Variants in SUFU observed in about 807,000 individuals in gnomAD.
The protein encoded by SUFU is suppressor of fused homolog.
SUFU carries 7 observed loss-of-function variants against 58.9 expected under a neutral mutation model. The observed-to-expected ratio is 0.12, with a 90% CI of 0.07 to 0.22. The LOEUF is 0.22. SUFU is among the 10% of genes least tolerant of loss of function. The pLI, the probability that SUFU is intolerant of heterozygous loss-of-function variation, is 1.00. For missense variants in SUFU, 451 were observed against 641.3 expected, an observed-to-expected ratio of 0.70 and a Z score of 3.20; for synonymous variants, 232 against 254.8, an observed-to-expected ratio of 0.91 and a Z score of 0.85.
chr10:102,521,172 G>T (rs978462599), intron 2 of SUFU, among the ~76,000 whole-genome samples: 7 of 152,268 alleles, frequency 4.6e-5, no homozygotes, highest in African/African-American at 1.7e-4. Flanking sequence ...ATTCCAATAG[G>T]TGTGGAGTGG....
At chr10:102,504,660 T>G (rs1419095394) in intron 1 of SUFU, among the ~76,000 whole-genome samples, 1 of 146,496 alleles carries the variant, frequency 6.8e-6, no homozygotes, top group East Asian at 2.0e-4. Context: ...TAGGGGGTCA[T>G]TAGTGGGCGA....
chr10:102,546,419 A>ATTT (rs1003957090), intron 2 of SUFU, among the ~76,000 whole-genome samples: 4 of 152,190 alleles, frequency 2.6e-5, no homozygotes, highest in Non-Finnish European at 5.9e-5. Context: ...ACCAGCCAGT[A>ATTT]TTTTAGTAGA....
intron 3 of SUFU, among the ~76,000 whole-genome samples, chr10:102,585,673 A>AT (rs1332531993): frequency 6.6e-6 from 1 of 151,640 alleles, no homozygotes; most frequent in Non-Finnish European, 1.5e-5. Context: ...CACCCAGCTA[A>AT]TTTTTTGTTT....
Position 102,630,176 on chromosome 10 carries a change from G to A in SUFU, c.*21G>A, listed in dbSNP as rs1459618360. On this transcript the variant is annotated 3_prime_UTR_variant, in exon 12 of 12. Coordinates refer to ENST00000369902, the MANE Select transcript of SUFU (RefSeq NM_016169.4). Reference sequence around the variant, plus strand: ...ACTAGCCTGGGCTGGGCCCTGCAGTGGCCAGCAGGGAGCCCAGCTGCTCCC... The same window carrying A: ...ACTAGCCTGGGCTGGGCCCTGCAGTAGCCAGCAGGGAGCCCAGCTGCTCCC... The A allele has an allele frequency of 3.1e-6, 5 of 1,604,168 alleles. No individual in the cohort carries two copies. Among genetic ancestry groups the A allele is most frequent in the Admixed American group, 1.7e-5 (1 of 60,016 alleles).
intron 1 of SUFU, among the ~76,000 whole-genome samples, chr10:102,507,275 AAC>A (rs2062339267): frequency 6.6e-6 from 1 of 152,152 alleles, no homozygotes; most frequent in African/African-American, 2.4e-5. Context: ...GAGAATGGTA[AAC>A]ACAGTTTTGC....
At chr10:102,520,451 C>T (rs2062538521) in intron 2 of SUFU, among the ~76,000 whole-genome samples, 1 of 151,834 alleles carries the variant, frequency 6.6e-6, no homozygotes, top group Non-Finnish European at 1.5e-5. Context: ...AACTCCTGAC[C>T]TCAGGTGATC....
At chr10:102,514,024 A>G (rs2062433521) in intron 2 of SUFU, among the ~76,000 whole-genome samples, 1 of 151,788 alleles carries the variant, frequency 6.6e-6, no homozygotes, top group Non-Finnish European at 1.5e-5. Context: ...AGCTGGGACC[A>G]CAGGCATGCA....
chr10:102,590,238 T>C (rs2063384290), intron 3 of SUFU, among the ~76,000 whole-genome samples: 1 of 133,764 alleles, frequency 7.5e-6, no homozygotes, highest in South Asian at 2.6e-4. Context: ...CAATCTCTGC[T>C]CACTGCAACC....
intron 2 of SUFU, among the ~76,000 whole-genome samples, chr10:102,517,856 G>A (rs1023116674): frequency 6.6e-6 from 1 of 152,200 alleles, no homozygotes; most frequent in Non-Finnish European, 1.5e-5. Context: ...CACCAGCAGA[G>A]CTATCTTGAG....
In SUFU at chr10:102,591,524, G is replaced by T. The variant is rs945205655; in HGVS notation, c.455-1058G>T. 4 of 150,802 alleles carry T rather than the reference G, an allele frequency of 2.7e-5. No homozygotes were observed. In the East Asian group the frequency reaches 5.9e-4, roughly 22 times the overall value. 9.3% of individuals were successfully genotyped at this position (150,802 alleles called of 1,614,324 possible). On this transcript the variant is annotated intron_variant, in intron 3 of 11. Transcript: ENST00000369902. ...AAAAAAAAAAAAAAAAGGTGATCTC[G>T]TGCTCACTTCAGCAGCACATATACT... is the stretch of plus-strand genomic sequence containing the variant.
rs2063807613 is a variant in SUFU at position 102,628,547 on chromosome 10, G to C, written c.1365+1304G>C. On this transcript the variant is annotated intron_variant, in intron 11 of 11. Transcript: ENST00000369902. This position sits in a 1 kb window ranked among gnomAD's most constrained non-coding sequence, Gnocchi z 4.5. ...TCGCACTGGGATGGCGCTGTGCCAG[G>C]CTGCTGCTTTGAGCTTGGGGGTAGG... Among the ~76,000 whole-genome samples, 1 of 152,212 alleles carries C rather than the reference G, an allele frequency of 6.6e-6. No homozygotes were observed. The highest frequency in any genetic ancestry group is 2.4e-5 in the African/African-American group (1 of 41,452).
chr10:102,604,104 G>A (rs557633363), intron 8 of SUFU, among the ~76,000 whole-genome samples: 4 of 152,286 alleles, frequency 2.6e-5, no homozygotes, highest in South Asian at 4.1e-4. Context: ...TCTCTGTCAC[G>A]TTGGCTTCCC....
intron 3 of SUFU, among the ~76,000 whole-genome samples, chr10:102,556,749 A>AAAAGAAGGGAGGG (rs1221853297): frequency 1.7e-5 from 1 of 59,764 alleles, no homozygotes; most frequent in Admixed American, 2.3e-4. Context: ...AAAAAAAAAA[A>AAAAGAAGGGAGGG]AGGAAGGGAG....
chr10:102,594,092 C>G (rs1438747929), intron 6 of SUFU, 27 bp downstream of exon 6: 1 of 1,611,330 alleles, frequency 6.2e-7, no homozygotes, highest in Non-Finnish European at 8.5e-7. Flanking sequence ...GAAAACCTTT[C>G]TAGCACCCTG....
intron 2 of SUFU, among the ~76,000 whole-genome samples, chr10:102,519,122 A>G (rs1169624485): frequency 7.2e-6 from 1 of 138,004 alleles, no homozygotes; most frequent in Non-Finnish European, 1.6e-5. Context: ...CCTGGGAGAC[A>G]GCGAGACTCT....
intron 3 of SUFU, among the ~76,000 whole-genome samples, chr10:102,553,962 G>C (rs939428599): frequency 3.3e-5 from 5 of 152,146 alleles, no homozygotes; most frequent in Admixed American, 1.3e-4. Flanking sequence ...TTGTGGTGAC[G>C]CGTGCTTGTG....
At chr10:102,563,413 CT>C (rs1377598300) in intron 3 of SUFU, among the ~76,000 whole-genome samples, 1 of 152,086 alleles carries the variant, frequency 6.6e-6, no homozygotes, top group African/African-American at 2.4e-5. Context: ...TCAGGAAAAG[CT>C]GGAGGCCTGG....
chr10:102,616,992 C>T (rs1281870063), intron 9 of SUFU, among the ~76,000 whole-genome samples: 1 of 152,240 alleles, frequency 6.6e-6, no homozygotes, highest in South Asian at 2.1e-4. Context: ...CTCAATTTTC[C>T]TAAGGGAGGT....
chr10:102,609,752 C>T (rs1175405432), intron 8 of SUFU, among the ~76,000 whole-genome samples: 1 of 152,160 alleles, frequency 6.6e-6, no homozygotes, highest in African/African-American at 2.4e-5. Flanking sequence ...CTCCAGAACA[C>T]CAGAATTGGC....
Sources: allele counts gnomAD v4.1 joint callset (sites outside exome capture counted in the v4.1 genomes callset), GRCh38; gene constraint gnomAD v4.1.1; non-coding constraint Gnocchi (gnomAD v3.1); transcripts MANE v1.5; gene names NCBI Gene and HGNC (gene_info 2026-07-23, HGNC 2026-07-21).